The following SCRG1 variants were observed in gnomAD, a reference collection of about 807,000 sequenced individuals.
SCRG1 encodes stimulator of chondrogenesis 1.
SCRG1 carries 3 observed loss-of-function variants against 7.7 expected under a neutral mutation model. The observed-to-expected ratio is 0.39, with a 90% CI of 0.18 to 1.01. The LOEUF is 1.01. Ranked by LOEUF, SCRG1 falls within the 50% of genes least tolerant of loss-of-function variation. The probability of loss-of-function intolerance (pLI) is 0.36; values close to 1 mark genes in which losing one functional copy is unlikely to be tolerated. For synonymous variants in SCRG1, 46 were observed against 41.2 expected, an observed-to-expected ratio of 1.12 and a Z score of -0.44; for missense variants, 110 against 117.2, an observed-to-expected ratio of 0.94 and a Z score of 0.28.
chr4:173,400,335 A>AG (rs1739729924), upstream of SCRG1, among the ~76,000 whole-genome samples: 1 of 152,230 alleles, frequency 6.6e-6, no homozygotes, highest in Non-Finnish European at 1.5e-5. Context: ...ATCTAGAAAA[A>AG]GGATATAAAA....
the SCRG1 span, among the ~76,000 whole-genome samples, chr4:173,484,437 A>AGT: frequency 2.8e-5 from 1 of 35,188 alleles, no homozygotes; most frequent in East Asian, 1.5e-3. Context: ...TATTATATAC[A>AGT]TATGATATAT....
the SCRG1 span, among the ~76,000 whole-genome samples, chr4:173,484,699 TGC>T: frequency 1.0e-5 from 1 of 98,724 alleles, no homozygotes; most frequent in African/African-American, 4.3e-5. Flanking sequence ...ATATATTATA[TGC>T]ATATAATACA....
At chr4:173,515,543 A>G in the SCRG1 span, among the ~76,000 whole-genome samples, 2 of 151,960 alleles carry the variant, frequency 1.3e-5, no homozygotes, top group African/African-American at 4.8e-5. The surrounding 1 kb of genome is among the most constrained non-coding windows in gnomAD (Gnocchi z 4.6). Context: ...TAGGTCATAA[A>G]TGCACCAACA....
At chr4:173,444,570 G>C in the SCRG1 span, among the ~76,000 whole-genome samples, 1 of 152,178 alleles carries the variant, frequency 6.6e-6, no homozygotes, top group African/African-American at 2.4e-5. Context: ...TTTGGTTGTA[G>C]TTTTCTGATT....
At chr4:173,417,708 G>T in the SCRG1 span, among the ~76,000 whole-genome samples, 3,468 of 151,230 alleles carry the variant, frequency 0.023, 152 homozygotes, top group African/African-American at 0.08. Context: ...AGAGCTCACT[G>T]CAGCCTTGAA....
chr4:173,506,265 C>T, the SCRG1 span, among the ~76,000 whole-genome samples: 1 of 152,210 alleles, frequency 6.6e-6, no homozygotes, highest in Middle Eastern at 3.4e-3. The surrounding 1 kb of genome is among the most constrained non-coding windows in gnomAD (Gnocchi z 5.3). Context: ...AAATAGTGCC[C>T]AAAGTTTCAA....
chr4:173,450,803 A>T, the SCRG1 span, among the ~76,000 whole-genome samples: 1 of 152,184 alleles, frequency 6.6e-6, no homozygotes, highest in Non-Finnish European at 1.5e-5. Context: ...CAAAGCTGTG[A>T]TGAGGTTAGC....
the SCRG1 span, among the ~76,000 whole-genome samples, chr4:173,485,951 C>T: frequency 6.6e-6 from 1 of 152,094 alleles, no homozygotes; most frequent in Admixed American, 6.6e-5. Context: ...GCCTGGGCAA[C>T]AGAATGAGAC....
chr4:173,502,259 G>A, the SCRG1 span, among the ~76,000 whole-genome samples: 1 of 152,110 alleles, frequency 6.6e-6, no homozygotes, highest in Admixed American at 6.5e-5. The surrounding 1 kb of genome is among the most constrained non-coding windows in gnomAD (Gnocchi z 4.6). Context: ...AAGTATGTGA[G>A]CCACATGGTC....
the SCRG1 span, among the ~76,000 whole-genome samples, chr4:173,494,125 C>A: frequency 8.5e-5 from 13 of 152,280 alleles, no homozygotes; most frequent in Admixed American, 1.3e-4. Flanking sequence ...TACTTAGGAA[C>A]AGGCCACCCA....
chr4:173,472,628 C>A, the SCRG1 span, among the ~76,000 whole-genome samples: 550 of 152,272 alleles, frequency 3.6e-3, 2 homozygotes, highest in African/African-American at 0.013. Context: ...AGTCTAAAGG[C>A]AGGAAAATCC....
the SCRG1 span, among the ~76,000 whole-genome samples, chr4:173,452,577 C>T: frequency 6.6e-6 from 1 of 152,212 alleles, no homozygotes; most frequent in Admixed American, 6.5e-5. Context: ...AATTAGGCAT[C>T]CTTGTCACAG....
At chr4:173,452,202 C>T in the SCRG1 span, among the ~76,000 whole-genome samples, 1 of 150,992 alleles carries the variant, frequency 6.6e-6, no homozygotes, top group Admixed American at 6.6e-5. Flanking sequence ...CACCACTGCA[C>T]TCCAGCCTGA....
At chr4:173,390,840 G>A (rs1220932820) in intron 2 of SCRG1, among the ~76,000 whole-genome samples, 1 of 152,140 alleles carries the variant, frequency 6.6e-6, no homozygotes, top group Non-Finnish European at 1.5e-5. Context: ...GTTGGTTTAA[G>A]AGTTCAACCT....
the SCRG1 span, among the ~76,000 whole-genome samples, chr4:173,483,195 T>C: frequency 1.1e-5 from 1 of 95,022 alleles, no homozygotes; most frequent in Non-Finnish European, 2.0e-5. Flanking sequence ...ATATATGATA[T>C]ATATTATATG....
At chr4:173,408,991 C>CA (rs991902394), upstream of SCRG1, among the ~76,000 whole-genome samples, 2,340 of 50,206 alleles carry the variant, frequency 0.047, 101 homozygotes, top group African/African-American at 0.083. Flanking sequence ...GACTCAGTCT[C>CA]AAAAAAAAAA....
At chr4:173,416,911 A>AACAC in the SCRG1 span, among the ~76,000 whole-genome samples, 978 of 125,228 alleles carry the variant, frequency 7.8e-3, 26 homozygotes, top group African/African-American at 0.016. Flanking sequence ...CACACACCCA[A>AACAC]ACACACACAC....
the SCRG1 span, among the ~76,000 whole-genome samples, chr4:173,473,246 A>G: frequency 6.6e-6 from 1 of 152,236 alleles, no homozygotes; most frequent in South Asian, 2.1e-4. Context: ...CCAGCTAGGA[A>G]CTCTGTCTGG....
Position 173,390,478 on chromosome 4 carries a change from T to G in SCRG1, c.242+695A>C, listed in dbSNP as rs189533362. ...TTTTTTGTTGTTGTTGTTCGTTTTT[T>G]TTTTTTTTTTTGAGATGGAGTTTCA... On this transcript the variant is annotated intron_variant, in intron 2 of 2. Coordinates refer to ENST00000296506, the MANE Select transcript of SCRG1 (RefSeq NM_007281.4). Among the ~76,000 whole-genome samples the G allele has an allele frequency of 2.8e-3, 425 of 149,132 alleles. 5 individuals are homozygous for G. The highest frequency in any genetic ancestry group is 9.9e-3 in the African/African-American group (403 of 40,888).
Sources: allele counts gnomAD v4.1 joint callset (sites outside exome capture counted in the v4.1 genomes callset), GRCh38; gene constraint gnomAD v4.1.1; non-coding constraint Gnocchi (gnomAD v3.1); transcripts MANE v1.5; gene names NCBI Gene and HGNC (gene_info 2026-07-23, HGNC 2026-07-21).